The following NEK4 variants were observed in gnomAD, a reference collection of about 807,000 sequenced individuals.
The protein encoded by NEK4 is NIMA related kinase 4, also known as serine/threonine-protein kinase Nek4.
NEK4 carries 86 observed loss-of-function variants against 98.4 expected under a neutral mutation model. The ratio of observed to expected loss-of-function variants is 0.87; its 90% CI spans 0.73 to 1.05. The LOEUF is 1.05. Ranked by LOEUF, NEK4 falls within the 50% of genes least tolerant of loss-of-function variation. The pLI, the probability that NEK4 is intolerant of heterozygous loss-of-function variation, is 0.00. For synonymous variants in NEK4, 328 were observed against 342.2 expected, an observed-to-expected ratio of 0.96 and a Z score of 0.46; for missense variants, 898 against 950.3, an observed-to-expected ratio of 0.94 and a Z score of 0.72.
chr3:52,754,930 C>T (rs1346284605), intron 6 of NEK4, among the ~76,000 whole-genome samples: 2 of 151,608 alleles, frequency 1.3e-5, no homozygotes, highest in African/African-American at 4.8e-5. Context: ...AAAAATTAGC[C>T]GGGCGCGGTG....
chr3:52,770,899 G>A lies in NEK4; in HGVS notation c.-153C>T. On this transcript the variant is annotated 5_prime_UTR_variant, in exon 1 of 16. Transcript: ENST00000233027. ...GCGGGATTGCTGGGGCCCGGCCCGC[G>A]ACGACGCCGCTGCCATAGCGATCCG... 1.6e-6 allele frequency: 1 copy of A among 638,954 alleles called. No individual in the cohort carries two copies. The highest frequency in any genetic ancestry group is 2.7e-6 in the Non-Finnish European group (1 of 370,988). 39.6% of individuals were successfully genotyped at this position (638,954 alleles called of 1,614,324 possible).
At chr3:52,745,516 T>C (rs540830793) in intron 10 of NEK4, among the ~76,000 whole-genome samples, 100 of 151,662 alleles carry the variant, frequency 6.6e-4, no homozygotes, top group African/African-American at 2.2e-3. Flanking sequence ...GAGGCGGAGA[T>C]TGTAGTGAGC....
Position 52,770,819 on chromosome 3 carries a change from C to T in NEK4, c.-73G>A. On this transcript the variant is annotated 5_prime_UTR_variant, in exon 1 of 16. Coordinates refer to ENST00000233027, the MANE Select transcript of NEK4 (RefSeq NM_003157.6). ...GGGCAGCGGGCGGCAACAAGAAGCT[C>T]GGTTCATGCCCGAGAGGGGGCAGTG... The T allele has an allele frequency of 7.4e-7, 1 of 1,347,570 alleles. No individual in the cohort carries two copies. Among genetic ancestry groups the T allele is most frequent in the Non-Finnish European group, 1.0e-6 (1 of 973,662 alleles). The allele number at this position is 1,347,570 out of a possible 1,614,324, so 83.5% of individuals were successfully genotyped here.
intron 6 of NEK4, among the ~76,000 whole-genome samples, chr3:52,758,552 A>T (rs1698220785): frequency 6.6e-6 from 1 of 152,128 alleles, no homozygotes; most frequent in Non-Finnish European, 1.5e-5. Context: ...TAGCTATGAC[A>T]ACAAAATAAA....
At chr3:52,760,613 A>C (rs1466082314) in intron 6 of NEK4, among the ~76,000 whole-genome samples, 182 bp downstream of exon 6, 1 of 152,262 alleles carries the variant, frequency 6.6e-6, no homozygotes, top group Non-Finnish European at 1.5e-5. Flanking sequence ...ACAATTTGAC[A>C]GCCCAATTTG....
chr3:52,762,951 A>C (rs538994007), intron 5 of NEK4, among the ~76,000 whole-genome samples: 1 of 152,346 alleles, frequency 6.6e-6, no homozygotes, highest in South Asian at 2.1e-4. Flanking sequence ...TCCAGAAAGC[A>C]GAAGATAAAA....
chr3:52,753,546 G>T, intron 6 of NEK4: 1 of 522,478 alleles, frequency 1.9e-6, no homozygotes. Context: ...TCTGGAGCAT[G>T]TCTACAAGCT....
At chr3:52,766,019 T>C in intron 3 of NEK4, 25 bp from the exon 4 acceptor site, 1 of 1,528,934 alleles carries the variant, frequency 6.5e-7, no homozygotes. Flanking sequence ...CAGTAAACGG[T>C]TAAATGTCAG....
At chr3:52,726,907 T>C (rs1478490310) in intron 15 of NEK4, among the ~76,000 whole-genome samples, 1 of 148,952 alleles carries the variant, frequency 6.7e-6, no homozygotes, top group East Asian at 2.0e-4. Flanking sequence ...CCGTCTCAAA[T>C]AAATAAATAA....
At position 52,726,633 on chromosome 3, in the gene NEK4, C is replaced by T. The variant is rs181618530; in HGVS notation, c.2433+10953G>A. On this transcript the variant is annotated intron_variant, in intron 15 of 15. Coordinates refer to ENST00000233027, the MANE Select transcript of NEK4 (RefSeq NM_003157.6). ...AAAAAAAATTCAGGACTTGGCTGGGCACAGTGGCTCACACCTGTAATCCCA... is the reference window on the plus strand; with the variant it reads ...AAAAAAAATTCAGGACTTGGCTGGGTACAGTGGCTCACACCTGTAATCCCA... 8.2e-5 allele frequency among the ~76,000 whole-genome samples: 12 copies of T among 146,434 alleles called. No homozygotes were observed. The East Asian group carries it at 2.5e-3, about 30-fold the overall frequency.
chr3:52,753,471 A>G (rs1440796777), intron 6 of NEK4: 2 of 384,748 alleles, frequency 5.2e-6, no homozygotes, highest in Admixed American at 6.5e-5. Context: ...TTGAATGCTG[A>G]GGACGGAAGA....
intron 3 of NEK4, 58 bp downstream of exon 3, chr3:52,766,120 G>T: frequency 6.6e-7 from 1 of 1,514,880 alleles, no homozygotes; most frequent in Non-Finnish European, 9.1e-7. Context: ...ATTAACTTCT[G>T]AAATTACAAG....
intron 6 of NEK4, among the ~76,000 whole-genome samples, chr3:52,755,136 G>C (rs1261367666): frequency 8.0e-6 from 1 of 125,062 alleles, no homozygotes; most frequent in Non-Finnish European, 1.8e-5. Flanking sequence ...AAAAAAGAAA[G>C]AAAGAAGCCA....
At chr3:52,768,274 A>T in intron 2 of NEK4, 64 bp downstream of exon 2, 1 of 1,507,640 alleles carries the variant, frequency 6.6e-7, no homozygotes, top group South Asian at 1.3e-5. Context: ...AATTTTCCTA[A>T]AATACACCTG....
intron 15 of NEK4, among the ~76,000 whole-genome samples, chr3:52,731,363 A>G (rs190623786): frequency 4.3e-4 from 65 of 152,356 alleles, no homozygotes; most frequent in Non-Finnish European, 1.5e-5. Context: ...AATAACCAAA[A>G]CAATCTTGAG....
chr3:52,729,448 C>T (rs2097367553), intron 15 of NEK4, among the ~76,000 whole-genome samples: 1 of 151,984 alleles, frequency 6.6e-6, no homozygotes, highest in African/African-American at 2.4e-5. Context: ...GTGGCTCACA[C>T]CTGTAATCCT....
rs2097347911 is a variant in NEK4, at chr3:52,709,260, C to T, written c.*2517G>A. The T allele has an allele frequency of 6.6e-6, 1 of 151,182 alleles. No homozygotes were observed. Among genetic ancestry groups the T allele is most frequent in the Non-Finnish European group, 1.5e-5 (1 of 67,928 alleles). 9.4% of individuals were successfully genotyped at this position (151,182 alleles called of 1,614,324 possible). ...ACACATCAAAGTCTCTGAACTGTGG[C>T]CAAAGGTATATTCGGAAGAAAATTC... On this transcript the variant is annotated 3_prime_UTR_variant, in exon 16 of 16. Coordinates refer to ENST00000233027, the MANE Select transcript of NEK4 (RefSeq NM_003157.6).
rs956714270 is a variant in NEK4 at position 52,729,926 on chromosome 3, G to A, written c.2433+7660C>T. On this transcript the variant is annotated intron_variant, in intron 15 of 15. Transcript: ENST00000233027. ...GAGATCAAGACCTCCTGGCCAACAC[G>A]GTGAAACCCCATCTCTACTAAAAAT... 4.6e-5 allele frequency among the ~76,000 whole-genome samples: 7 copies of A among 151,812 alleles called. No homozygotes were observed. The East Asian group carries it at 7.8e-4, about 17-fold the overall frequency.
At chr3:52,719,061 C>T (rs546377956) in intron 15 of NEK4, among the ~76,000 whole-genome samples, 4 of 152,306 alleles carry the variant, frequency 2.6e-5, no homozygotes, top group East Asian at 1.9e-4. Flanking sequence ...CTGGCCTACA[C>T]CCCCTTTAAA....
Sources: gnomAD v4.1 joint callset for allele counts (sites outside exome capture counted in the v4.1 genomes callset) on GRCh38, gnomAD v4.1.1 for gene constraint, MANE v1.5 for transcripts, NCBI Gene and HGNC (gene_info 2026-07-23, HGNC 2026-07-21) for gene names.